The following MYRIP variants were observed in gnomAD, a reference collection of about 807,000 sequenced individuals.
The protein encoded by MYRIP is myosin VIIA and Rab interacting protein, also known as rab effector MyRIP.
Under a neutral mutation model 98.0 loss-of-function variants are expected in MYRIP, and 49 were observed. The ratio of observed to expected loss-of-function variants is 0.50; its 90% confidence interval spans 0.40 to 0.63. The LOEUF (loss-of-function observed/expected upper bound fraction) is 0.63, where lower values mean the gene tolerates loss of function less well. MYRIP is among the 30% of genes least tolerant of loss of function. MYRIP has a pLI of 0.00. For synonymous variants in MYRIP, 404 were observed against 409.5 expected (o/e 0.99, Z 0.16); for missense variants, 1,004 against 1,058.2 (o/e 0.95, Z 0.71).
At chr3:39,982,380 ATCT>A (rs1412445741) in intron 2 of MYRIP, among the ~76,000 whole-genome samples, 1 of 152,146 alleles carries the variant, frequency 6.6e-6, no homozygotes, top group East Asian at 1.9e-4. Context: ...TATAGGTTTG[ATCT>A]TCTGATGTTG....
chr3:40,009,394 A>C (rs1256434360), intron 2 of MYRIP, among the ~76,000 whole-genome samples: 1 of 151,546 alleles, frequency 6.6e-6, no homozygotes, highest in Non-Finnish European at 1.5e-5. Flanking sequence ...CTGCCACCAC[A>C]CCTGGCTAAT....
Position 40,258,349 on chromosome 3 carries a change from C to T in MYRIP, c.*183C>T, listed in dbSNP as rs1018298116. On this transcript the variant is annotated 3_prime_UTR_variant, in exon 17 of 17. Transcript: ENST00000302541. The stretch of plus-strand genomic sequence containing the variant: ...CAGAAAGCCGTCTCAGACTTCAGCA[C>T]TGCGGTCTTGCCCACTCTCTGCCTT... 6.3e-6 allele frequency: 4 copies of T among 634,818 alleles called. No homozygotes were observed. Among genetic ancestry groups the T allele is most frequent in the Non-Finnish European group, 1.1e-5 (4 of 361,740 alleles). The allele number at this position is 634,818 out of a possible 1,614,324, so 39.3% of individuals were successfully genotyped here.
At chr3:39,938,620 A>G (rs970107682) in intron 2 of MYRIP, among the ~76,000 whole-genome samples, 1 of 152,174 alleles carries the variant, frequency 6.6e-6, no homozygotes, top group African/African-American at 2.4e-5. Flanking sequence ...CCATATGCTC[A>G]TGAAAATTTG....
chr3:39,842,887 C>T (rs1433958841), intron 1 of MYRIP, among the ~76,000 whole-genome samples: 1 of 152,234 alleles, frequency 6.6e-6, no homozygotes, highest in Non-Finnish European at 1.5e-5. Flanking sequence ...GAGCTGCAGA[C>T]TGGAGCTGCT....
At position 39,984,641 on chromosome 3, in the gene MYRIP, G is replaced by C. The variant is rs534208809; in HGVS notation, c.111-59409G>C. ...CAGTCTATCATTGTTGGACATTTGG[G>C]TTGGTTCCAAGTCTTTGCTGTTGTG... On this transcript the variant is annotated intron_variant, in intron 2 of 16. Transcript: ENST00000302541. Among the ~76,000 whole-genome samples, 198 of 152,202 alleles carry C rather than the reference G, an allele frequency of 1.3e-3. No individual in the cohort carries two copies. In the Middle Eastern group the frequency reaches 0.014, roughly 10 times the overall value.
At chr3:39,936,667 T>C (rs1256855400) in intron 2 of MYRIP, among the ~76,000 whole-genome samples, 1 of 152,186 alleles carries the variant, frequency 6.6e-6, no homozygotes, top group Non-Finnish European at 1.5e-5. Context: ...AAATACAGCA[T>C]GCAGAAATAT....
chr3:40,176,134 G>A (rs1364092986), intron 8 of MYRIP, among the ~76,000 whole-genome samples: 1 of 152,194 alleles, frequency 6.6e-6, no homozygotes, highest in Non-Finnish European at 1.5e-5. Context: ...CAAAACTGTT[G>A]GTCAAGCTTC....
At chr3:39,912,766 A>G (rs1337518200) in intron 2 of MYRIP, among the ~76,000 whole-genome samples, 2 of 152,250 alleles carry the variant, frequency 1.3e-5, no homozygotes, top group Non-Finnish European at 2.9e-5. Context: ...TTGGCTGGGC[A>G]TAGTGGCTCA....
At chr3:39,829,363 G>A (rs1042892751) in intron 1 of MYRIP, among the ~76,000 whole-genome samples, 1 of 152,174 alleles carries the variant, frequency 6.6e-6, no homozygotes, top group Admixed American at 6.5e-5. Context: ...CCAATTCTAT[G>A]GAGAATGTTT....
Position 40,027,138 on chromosome 3 carries a change from G to A in MYRIP, c.111-16912G>A, listed in dbSNP as rs141079662. On this transcript the variant is annotated intron_variant, in intron 2 of 16. Transcript: ENST00000302541. ...CTAAAACTTGCTCCTGCCCACCCTA[G>A]TCTTCTCTCTTTCCATGAACAGCTT... Among the ~76,000 whole-genome samples, 4 of 152,158 alleles carry A rather than the reference G, an allele frequency of 2.6e-5. No homozygotes were observed. The East Asian group carries it at 5.8e-4, about 22-fold the overall frequency.
At position 40,119,041 on chromosome 3, in the gene MYRIP, C is replaced by T. The variant is rs565601965; in HGVS notation, c.333-32007C>T. Among the ~76,000 whole-genome samples the T allele has an allele frequency of 1.3e-4, 20 of 152,124 alleles. No individual in the cohort carries two copies. In the South Asian group the frequency reaches 3.5e-3, roughly 27 times the overall value. On this transcript the variant is annotated intron_variant, in intron 3 of 16. Transcript: ENST00000302541. The stretch of plus-strand genomic sequence containing the variant: ...TATGAATAATGCCGCAATAAACATA[C>T]GTGTGCATGTGTCTTTATAGCAGCA...
intron 13 of MYRIP, among the ~76,000 whole-genome samples, chr3:40,246,974 A>C (rs1953226682): frequency 6.6e-6 from 1 of 152,218 alleles, no homozygotes; most frequent in Admixed American, 6.5e-5. Context: ...TCCTAAAAAA[A>C]AATTATTTTC....
At chr3:40,063,448 A>G (rs1210696030) in intron 3 of MYRIP, among the ~76,000 whole-genome samples, 1 of 152,226 alleles carries the variant, frequency 6.6e-6, no homozygotes, top group African/African-American at 2.4e-5. Flanking sequence ...TATTTCTTCT[A>G]TGAATGCTTA....
intron 10 of MYRIP, among the ~76,000 whole-genome samples, chr3:40,206,696 T>C (rs1392514206): frequency 1.3e-5 from 2 of 152,248 alleles, no homozygotes; most frequent in African/African-American, 4.8e-5. Flanking sequence ...TCAACTCCAG[T>C]AGGGCAGGAA....
At chr3:39,818,000 AACAAC>A (rs1424061922) in intron 1 of MYRIP, among the ~76,000 whole-genome samples, 8 of 152,196 alleles carry the variant, frequency 5.3e-5, no homozygotes, top group Admixed American at 1.3e-4. Context: ...TAAAAAACTT[AACAAC>A]ACATCAGCAA....
chr3:39,958,392 G>A (rs188186745), intron 2 of MYRIP, among the ~76,000 whole-genome samples: 3 of 152,282 alleles, frequency 2.0e-5, no homozygotes, highest in South Asian at 2.1e-4. Context: ...ACAACCAACT[G>A]ATCTTTGACA....
At chr3:40,252,324 T>C (rs1953402674) in intron 16 of MYRIP, among the ~76,000 whole-genome samples, 1 of 152,186 alleles carries the variant, frequency 6.6e-6, no homozygotes, top group African/African-American at 2.4e-5. Context: ...AAATTGCACT[T>C]GGACATACCA....
intron 2 of MYRIP, among the ~76,000 whole-genome samples, chr3:39,914,669 C>G (rs921142812): frequency 2.0e-5 from 3 of 151,966 alleles, no homozygotes; most frequent in African/African-American, 7.2e-5. Context: ...AAAAACTAAA[C>G]AGAAGGAGGA....
At chr3:39,967,335 C>T (rs1945466041) in intron 2 of MYRIP, among the ~76,000 whole-genome samples, 1 of 152,078 alleles carries the variant, frequency 6.6e-6, no homozygotes, top group African/African-American at 2.4e-5. Context: ...TAAGTCAGAA[C>T]ATGTGGTATT....
Sources: gnomAD v4.1 joint callset for allele counts (sites outside exome capture counted in the v4.1 genomes callset) on GRCh38, gnomAD v4.1.1 for gene constraint, MANE v1.5 for transcripts, NCBI Gene and HGNC (gene_info 2026-07-23, HGNC 2026-07-21) for gene names.